The following COP1 variants were observed in gnomAD, a reference collection of about 807,000 sequenced individuals.
COP1 encodes the protein COP1 E3 ubiquitin ligase.
COP1 carries 24 observed loss-of-function variants against 101.3 expected under a neutral mutation model. The observed-to-expected ratio is 0.24, with a 90% CI of 0.17 to 0.33. The LOEUF (loss-of-function observed/expected upper bound fraction) is 0.33. COP1 is among the 10% of genes least tolerant of loss of function. The pLI, the probability that COP1 is intolerant of heterozygous loss-of-function variation, is 1.00. For missense variants in COP1, 663 were observed against 906.2 expected, an observed-to-expected ratio of 0.73 and a Z score of 3.45; for synonymous variants, 347 against 341.9, an observed-to-expected ratio of 1.01 and a Z score of -0.17.
chr1:175,973,046 G>C (rs540592571), intron 18 of COP1, among the ~76,000 whole-genome samples: 27 of 152,126 alleles, frequency 1.8e-4, no homozygotes, highest in African/African-American at 6.5e-4. Flanking sequence ...TGGTCAGGCT[G>C]GTCTCAAACT....
chr1:175,973,853 T>G (rs1653860719), intron 18 of COP1, among the ~76,000 whole-genome samples: 1 of 152,130 alleles, frequency 6.6e-6, no homozygotes, highest in Non-Finnish European at 1.5e-5. Flanking sequence ...GGAAAGGGTA[T>G]TTGGGAACAG....
chr1:176,153,273 G>C (rs1692908026), intron 5 of COP1, among the ~76,000 whole-genome samples: 2 of 151,830 alleles, frequency 1.3e-5, no homozygotes, highest in African/African-American at 4.8e-5. Context: ...CATGTCCCTG[G>C]GGTATAAAAT....
intron 14 of COP1, among the ~76,000 whole-genome samples, chr1:176,037,880 GCAA>G (rs1669851936): frequency 2.0e-5 from 3 of 152,166 alleles, no homozygotes; most frequent in Non-Finnish European, 4.4e-5. Flanking sequence ...CAGGAACAAA[GCAA>G]GAAAGGTTCA....
intron 18 of COP1, among the ~76,000 whole-genome samples, chr1:175,958,060 T>C (rs994326399): frequency 6.6e-6 from 1 of 152,110 alleles, no homozygotes; most frequent in Non-Finnish European, 1.5e-5. Context: ...AGGTAACTTT[T>C]TGGGTGATGA....
intron 15 of COP1, among the ~76,000 whole-genome samples, chr1:176,015,814 G>A: frequency 6.6e-6 from 1 of 152,122 alleles, no homozygotes; most frequent in East Asian, 1.9e-4. Flanking sequence ...TGGTGATGAT[G>A]ACAAGAACAC....
intron 15 of COP1, among the ~76,000 whole-genome samples, chr1:176,019,220 T>C (rs1666235285): frequency 6.7e-6 from 1 of 150,014 alleles, no homozygotes; most frequent in South Asian, 2.1e-4. Context: ...ATCCCAGCAC[T>C]TTGGGAGGCC....
At chr1:176,081,084 T>G (rs1244648077) in intron 11 of COP1, 68 bp downstream of exon 11, 3 of 1,332,002 alleles carry the variant, frequency 2.3e-6, no homozygotes, top group Non-Finnish European at 3.2e-6. Flanking sequence ...ATGGTATAAG[T>G]GCTTCTCAAA....
At chr1:176,103,366 TAAGCTCTATA>T (rs953342874) in intron 9 of COP1, among the ~76,000 whole-genome samples, 4 of 152,172 alleles carry the variant, frequency 2.6e-5, no homozygotes, top group Non-Finnish European at 5.9e-5. Flanking sequence ...GCCTGGAGAT[TAAGCTCTATA>T]AAACTCTATA....
At chr1:176,113,069 C>A (rs968202404) in intron 9 of COP1, among the ~76,000 whole-genome samples, 16 of 152,260 alleles carry the variant, frequency 1.1e-4, no homozygotes, top group Middle Eastern at 6.8e-3. Context: ...ATATAGCCAG[C>A]AGTGGGGTTG....
chr1:176,056,040 T>C (rs4652146), intron 11 of COP1, among the ~76,000 whole-genome samples: 140,092 of 152,202 alleles, frequency 0.92, 65,308 homozygotes, highest in East Asian at 1. Flanking sequence ...AATTTCATCA[T>C]ACTGGTTTGA....
chr1:176,195,209 A>G (rs569895988), intron 1 of COP1, among the ~76,000 whole-genome samples: 3 of 152,216 alleles, frequency 2.0e-5, no homozygotes, highest in East Asian at 1.9e-4. Flanking sequence ...TGAAGAGGCT[A>G]TATTAACATC....
At chr1:176,044,241 A>T (rs1207632202) in intron 12 of COP1, among the ~76,000 whole-genome samples, 3 of 152,212 alleles carry the variant, frequency 2.0e-5, no homozygotes, top group Non-Finnish European at 2.9e-5. Context: ...ACTACAGTGA[A>T]TTGGGTTTCT....
intron 1 of COP1, among the ~76,000 whole-genome samples, chr1:176,185,167 A>G (rs1698291255): frequency 1.3e-5 from 2 of 152,228 alleles, no homozygotes. Context: ...GACAACAATC[A>G]TAACAACTTA....
At chr1:176,091,520 A>G (rs1242700706) in intron 9 of COP1, among the ~76,000 whole-genome samples, 2 of 152,208 alleles carry the variant, frequency 1.3e-5, no homozygotes, top group Non-Finnish European at 2.9e-5. Context: ...GGGCTTAAGA[A>G]TAAGACAAAA....
rs185424616 is a variant in COP1, at chr1:176,076,334, C to T, written c.1277+4818G>A. ...ATCAAGAAGATCTCTCAAAACTACACAAAAACATTAAAATTAAACAATTTG... is the reference window on the plus strand; with the variant it reads ...ATCAAGAAGATCTCTCAAAACTACATAAAAACATTAAAATTAAACAATTTG... On this transcript the variant is annotated intron_variant, in intron 11 of 19. Transcript: ENST00000367669. Among the ~76,000 whole-genome samples the T allele has an allele frequency of 1.3e-3, 202 of 152,142 alleles. 1 individual carries two copies. Among genetic ancestry groups the T allele is most frequent in the African/African-American group, 4.6e-3 (193 of 41,510 alleles).
intron 9 of COP1, among the ~76,000 whole-genome samples, chr1:176,100,034 A>C (rs1047906256): frequency 6.6e-6 from 1 of 152,220 alleles, no homozygotes. Context: ...TAATCAGGCC[A>C]AGTATAAGAC....
intron 15 of COP1, among the ~76,000 whole-genome samples, chr1:176,009,018 C>A (rs989749573): frequency 6.6e-6 from 1 of 152,146 alleles, no homozygotes. Context: ...TCATGGTCAA[C>A]CAGAGGTGAA....
chr1:176,143,146 A>AGAGAGAGAGAGAGAGAGAGAGAG (rs1553286862), intron 6 of COP1, among the ~76,000 whole-genome samples: 1 of 66,572 alleles, frequency 1.5e-5, no homozygotes, highest in African/African-American at 4.7e-5. Flanking sequence ...GAGCGAGAGA[A>AGAGAGAGAGAGAGAGAGAGAGAG]AGAGAGAGAG....
At chr1:176,102,299 C>A (rs1188659470) in intron 9 of COP1, among the ~76,000 whole-genome samples, 1 of 152,134 alleles carries the variant, frequency 6.6e-6, no homozygotes, top group African/African-American at 2.4e-5. Flanking sequence ...TTTTCCTCAC[C>A]CTTGTACGTG....
Sources: allele counts gnomAD v4.1 joint callset (sites outside exome capture counted in the v4.1 genomes callset), GRCh38; gene constraint gnomAD v4.1.1; transcripts MANE v1.5; gene names NCBI Gene and HGNC (gene_info 2026-07-23, HGNC 2026-07-21).